VGLL4: variants seen among roughly 807,000 people sequenced by gnomAD.
The protein encoded by VGLL4 is transcription cofactor vestigial-like protein 4.
VGLL4 carries 7 observed loss-of-function variants against 21.0 expected under a neutral mutation model. The ratio of observed to expected loss-of-function variants is 0.33; its 90% CI spans 0.19 to 0.63. VGLL4 has a LOEUF of 0.63. Among genes scored for constraint, VGLL4 ranks in the 20% least tolerant of loss-of-function variants. The probability of loss-of-function intolerance (pLI) is 0.78; values close to 1 mark genes in which losing one functional copy is unlikely to be tolerated. For synonymous variants in VGLL4, 222 were observed against 173.2 expected (o/e 1.28, Z -2.21); for missense variants, 394 against 425.7 (o/e 0.93, Z 0.66).
At chr3:11,593,412 T>A (rs2074552361) in intron 2 of VGLL4, among the ~76,000 whole-genome samples, 1 of 152,162 alleles carries the variant, frequency 6.6e-6, no homozygotes, top group Non-Finnish European at 1.5e-5. Flanking sequence ...AATCATCAAT[T>A]TCTTCTTCTT....
intron 2 of VGLL4, among the ~76,000 whole-genome samples, chr3:11,575,850 A>T (rs1202775278): frequency 6.6e-6 from 1 of 151,944 alleles, no homozygotes; most frequent in African/African-American, 2.4e-5. Context: ...GCATTCAGAG[A>T]CCCTCTTTGC....
intron 2 of VGLL4, among the ~76,000 whole-genome samples, chr3:11,600,390 A>G (rs2074763765): frequency 6.6e-6 from 1 of 152,114 alleles, no homozygotes; most frequent in African/African-American, 2.4e-5. Context: ...AAAAGACCAA[A>G]TGTTCTTATT....
chr3:11,679,981 T>TTCC (rs2076347691), intron 2 of VGLL4, among the ~76,000 whole-genome samples: 1 of 152,210 alleles, frequency 6.6e-6, no homozygotes, highest in Non-Finnish European at 1.5e-5. Flanking sequence ...CCAGTGCAAC[T>TTCC]TCCAGTCATG....
intron 2 of VGLL4, among the ~76,000 whole-genome samples, chr3:11,592,920 G>T (rs60160034): frequency 0.023 from 3,510 of 152,202 alleles, 141 homozygotes; most frequent in African/African-American, 0.08. Flanking sequence ...ACAAGCCCTG[G>T]AAAAAAGCCC....
At chr3:11,660,113 G>A (rs1261412519) in intron 2 of VGLL4, among the ~76,000 whole-genome samples, 1 of 151,126 alleles carries the variant, frequency 6.6e-6, no homozygotes, top group Non-Finnish European at 1.5e-5. Flanking sequence ...AGTGAGTGGA[G>A]ATCGCGCCAC....
At chr3:11,619,063 C>T (rs2075216447) in intron 1 of VGLL4, among the ~76,000 whole-genome samples, 1 of 152,180 alleles carries the variant, frequency 6.6e-6, no homozygotes, top group South Asian at 2.1e-4. Context: ...CAGATCTCTC[C>T]TTAGCTCCAA....
intron 1 of VGLL4, among the ~76,000 whole-genome samples, chr3:11,717,057 T>C (rs1034383332): frequency 1.3e-5 from 2 of 152,168 alleles, no homozygotes; most frequent in Non-Finnish European, 2.9e-5. Context: ...CATTGGTATG[T>C]TAAAATCACC....
At chr3:11,695,403 A>G (rs777109799) in intron 2 of VGLL4, among the ~76,000 whole-genome samples, 1 of 152,100 alleles carries the variant, frequency 6.6e-6, no homozygotes, top group Non-Finnish European at 1.5e-5. Context: ...AGTAAGGAGG[A>G]ATGATACTGG....
rs1197318489 is a variant in VGLL4 at position 11,653,057 on chromosome 3, G to C, written c.64+49914C>G. Among the ~76,000 whole-genome samples, 1 of 152,148 alleles carries C rather than the reference G, an allele frequency of 6.6e-6. No individual in the cohort carries two copies. Among genetic ancestry groups the C allele is most frequent in the Non-Finnish European group, 1.5e-5 (1 of 68,024 alleles). ...CCATGGTAAAAATAGAAGAACTGGA[G>C]AAAATGTCCCAAATATTCAACAACT... On this transcript the variant is annotated intron_variant, in intron 2 of 5. Coordinates refer to the VGLL4 transcript ENST00000273038. This position sits in a 1 kb window ranked among gnomAD's most constrained non-coding sequence, Gnocchi z 4.2.
At chr3:11,583,938 C>T (rs1051098027) in intron 2 of VGLL4, among the ~76,000 whole-genome samples, 3 of 152,202 alleles carry the variant, frequency 2.0e-5, no homozygotes, top group Admixed American at 6.5e-5. Context: ...AGCTTCCCTC[C>T]GCTCCACGGC....
intron 2 of VGLL4, among the ~76,000 whole-genome samples, chr3:11,589,774 G>A (rs561255658): frequency 2.0e-5 from 3 of 152,318 alleles, no homozygotes; most frequent in East Asian, 1.9e-4. Flanking sequence ...CCTTCTTGCT[G>A]TGTCCTTATG....
chr3:11,574,783 ATATGTGTGTGTGTGTGTGTGTGTG>A (rs1433124281), intron 2 of VGLL4, among the ~76,000 whole-genome samples: 17 of 111,854 alleles, frequency 1.5e-4, no homozygotes, highest in African/African-American at 5.6e-4. Context: ...ATTCAACTAT[ATATGTGTGTGTGTGTGTGTGTGTG>A]TGTGTGTGTG....
intron 2 of VGLL4, among the ~76,000 whole-genome samples, chr3:11,571,069 C>A (rs2073755395): frequency 6.6e-6 from 1 of 152,174 alleles, no homozygotes; most frequent in South Asian, 2.1e-4. Flanking sequence ...GAGGCAGAGA[C>A]ACCCTCCTAA....
chr3:11,565,353 G>C lies in VGLL4; in HGVS notation c.273-334C>G, dbSNP rs568020611. ...GGGGAGCTGGAGGCCAAGCTGGTTC[G>C]ATAAGGACCTGCCATTTGGACAGGA... On this transcript the variant is annotated intron_variant, in intron 2 of 4. Transcript: ENST00000430365. This position sits in a 1 kb window ranked among gnomAD's most constrained non-coding sequence, Gnocchi z 4.1. Among the ~76,000 whole-genome samples the C allele has an allele frequency of 2.0e-5, 3 of 152,176 alleles. No homozygotes were observed. The highest frequency in any genetic ancestry group is 2.9e-5 in the Non-Finnish European group (2 of 68,042).
At chr3:11,583,686 C>CGAT (rs1412247382) in intron 2 of VGLL4, among the ~76,000 whole-genome samples, 1 of 152,210 alleles carries the variant, frequency 6.6e-6, no homozygotes, top group Non-Finnish European at 1.5e-5. Flanking sequence ...GTCACGATGA[C>CGAT]GATGCTCCCA....
intron 2 of VGLL4, among the ~76,000 whole-genome samples, chr3:11,683,624 T>C (rs1359167566): frequency 1.3e-5 from 2 of 152,000 alleles, no homozygotes; most frequent in African/African-American, 4.8e-5. Flanking sequence ...CGAAACCCTG[T>C]GTCAACCAAA....
chr3:11,581,546 G>T (rs1273775032), intron 2 of VGLL4, among the ~76,000 whole-genome samples: 1 of 152,196 alleles, frequency 6.6e-6, no homozygotes, highest in Non-Finnish European at 1.5e-5. Flanking sequence ...ACAAAAGGGT[G>T]GGAGGAGAGG....
At chr3:11,642,467 A>G (rs2075712020) in intron 1 of VGLL4, among the ~76,000 whole-genome samples, 1 of 152,186 alleles carries the variant, frequency 6.6e-6, no homozygotes, top group Non-Finnish European at 1.5e-5. Flanking sequence ...TGTCCCGTGT[A>G]TTATTGGAGA....
Position 11,558,605 on chromosome 3 carries a change from G to A in VGLL4, c.842C>T (p.Pro281Leu). The change falls in exon 5 of 5, where the codon CCC (proline) becomes CTC (leucine). Residue 281 changes from proline to leucine, a missense_variant. Physicochemically the swap from Pro to Leu is moderately conservative, Grantham distance 98. Coordinates refer to ENST00000430365, the MANE Select transcript of VGLL4 (RefSeq NM_001128219.3). ...ACTGTGGCTGACCATGTGGGCAGAG[G>A]GGCTGGCGGGCTGGCCCCTGCGAGA... is the stretch of plus-strand genomic sequence containing the variant. Reference protein sequence around the residue: ...SASRRGQPASPSAHMVSHSHS... With the variant: ...SASRRGQPASLSAHMVSHSHS... 1.2e-6 allele frequency: 2 copies of A among 1,606,278 alleles called. No individual in the cohort carries two copies. Among genetic ancestry groups the A allele is most frequent in the South Asian group, 1.1e-5 (1 of 91,078 alleles).
Sources: allele counts gnomAD v4.1 joint callset (sites outside exome capture counted in the v4.1 genomes callset), GRCh38; gene constraint gnomAD v4.1.1; non-coding constraint Gnocchi (gnomAD v3.1); transcripts MANE v1.5; gene names NCBI Gene and HGNC (gene_info 2026-07-23, HGNC 2026-07-21).